VAV2: variants seen among roughly 807,000 people sequenced by gnomAD.
VAV2 encodes vav guanine nucleotide exchange factor 2.
In VAV2, 67 loss-of-function variants were observed where a neutral mutation model predicts 132.5. The observed-to-expected ratio is 0.51, with a 90% CI of 0.42 to 0.62. The LOEUF is 0.62. Ranked by LOEUF, VAV2 falls within the 20% of genes least tolerant of loss-of-function variation. The pLI is 0.00. For missense variants in VAV2, 938 were observed against 1,153.6 expected, an observed-to-expected ratio of 0.81 and a Z score of 2.71; for synonymous variants, 492 against 443.5, an observed-to-expected ratio of 1.11 and a Z score of -1.37.
rs534918342 is a variant in VAV2, at chr9:133,977,233, G to A, written c.204+14842C>T. The stretch of plus-strand genomic sequence containing the variant: ...CTCCGGCATCCAATGGGTGCCTGGT[G>A]TCCATTTGAGGAGCAGCCCAGCAGC... On this transcript the variant is annotated intron_variant, in intron 1 of 29. Coordinates refer to ENST00000371850, the MANE Select transcript of VAV2 (RefSeq NM_001134398.2). Among the ~76,000 whole-genome samples the A allele has an allele frequency of 2.0e-3, 303 of 152,356 alleles. 3 individuals are homozygous for A. The highest frequency in any genetic ancestry group is 0.014 in the Middle Eastern group (4 of 294).
intron 21 of VAV2, among the ~76,000 whole-genome samples, chr9:133,779,546 G>A (rs1017415162): frequency 3.9e-5 from 6 of 152,266 alleles, no homozygotes; most frequent in Admixed American, 2.6e-4. Flanking sequence ...CTAGAAGCAC[G>A]TTTCCATTAA....
intron 1 of VAV2, among the ~76,000 whole-genome samples, chr9:133,942,311 G>A (rs1481219833): frequency 2.6e-5 from 4 of 152,244 alleles, no homozygotes; most frequent in African/African-American, 9.6e-5. Context: ...AAGCGGGAGA[G>A]GGCGTGGGAC....
rs980502724 is a variant in VAV2 at position 133,961,312 on chromosome 9, G to A, written c.205-22093C>T. Among the ~76,000 whole-genome samples the A allele has an allele frequency of 2.0e-5, 3 of 152,354 alleles. No individual in the cohort carries two copies. The highest frequency in any genetic ancestry group is 1.3e-4 in the Admixed American group (2 of 15,314). On this transcript the variant is annotated intron_variant, in intron 1 of 29. Coordinates refer to ENST00000371850, the MANE Select transcript of VAV2 (RefSeq NM_001134398.2). The surrounding 1 kb of genome is among the most constrained non-coding windows in gnomAD (Gnocchi z 4.1). ...CCGGCCAGGACTCAAGCCGGCCAAT[G>A]AGGGCTGAAGCTTCGGCCTGTGGCC... is the stretch of plus-strand genomic sequence containing the variant.
At position 133,794,676 on chromosome 9, in the gene VAV2, G is replaced by A. The variant is rs1834636495; in HGVS notation, c.1101+992C>T. ...GCAGCCCTGAGGGGGGCTGGCAGAG[G>A]TGTCCTGTGCTCCCGACGAGGGAGA... On this transcript the variant is annotated intron_variant, in intron 12 of 29. Coordinates refer to ENST00000371850, the MANE Select transcript of VAV2 (RefSeq NM_001134398.2). This position sits in a 1 kb window ranked among gnomAD's most constrained non-coding sequence, Gnocchi z 4.6. Among the ~76,000 whole-genome samples the A allele has an allele frequency of 6.6e-6, 1 of 152,196 alleles. No individual in the cohort carries two copies. Among genetic ancestry groups the A allele is most frequent in the Admixed American group, 6.5e-5 (1 of 15,290 alleles).
intron 2 of VAV2, among the ~76,000 whole-genome samples, chr9:133,931,296 C>G (rs779166894): frequency 1.8e-4 from 27 of 152,322 alleles, no homozygotes; most frequent in South Asian, 1.2e-3. Flanking sequence ...GAGAGCCCAG[C>G]AGCAGGAGGG....
rs536135396 is a variant in VAV2, at chr9:133,834,786, A to T, written c.381-446T>A. On this transcript the variant is annotated intron_variant, in intron 3 of 29. Transcript: ENST00000371850. The surrounding 1 kb of genome is among the most constrained non-coding windows in gnomAD (Gnocchi z 5.9). Reference sequence around the variant, plus strand: ...CAGTCCACGCAGGAGAGGAAGCAGGAGGGGACTCCGGAAGGGAGGGGTGAC... The same window carrying T: ...CAGTCCACGCAGGAGAGGAAGCAGGTGGGGACTCCGGAAGGGAGGGGTGAC... Among the ~76,000 whole-genome samples, 5 of 152,136 alleles carry T rather than the reference A, an allele frequency of 3.3e-5. No homozygotes were observed. The highest frequency in any genetic ancestry group is 7.4e-5 in the Non-Finnish European group (5 of 68,020).
chr9:133,811,608 C>T (rs943659583), intron 5 of VAV2, among the ~76,000 whole-genome samples: 9 of 152,198 alleles, frequency 5.9e-5, no homozygotes, highest in African/African-American at 2.2e-4. Context: ...AGAGATTATT[C>T]GCCAGTGCCT....
At chr9:133,854,347 G>A (rs554828998) in intron 3 of VAV2, among the ~76,000 whole-genome samples, 1 of 152,232 alleles carries the variant, frequency 6.6e-6, no homozygotes, top group East Asian at 1.9e-4. Flanking sequence ...ACACACACGC[G>A]CACACCCATA....
chr9:133,965,375 T>C (rs1431490510), intron 1 of VAV2, among the ~76,000 whole-genome samples: 1 of 150,936 alleles, frequency 6.6e-6, no homozygotes, highest in Non-Finnish European at 1.5e-5. Context: ...GATGGGAACC[T>C]ATAGTCCCAG....
chr9:133,940,151 T>C (rs763388514), intron 1 of VAV2, among the ~76,000 whole-genome samples: 5 of 152,176 alleles, frequency 3.3e-5, no homozygotes, highest in Non-Finnish European at 7.4e-5. Context: ...TGAGTGGTTA[T>C]GCCAGGCCTG....
intron 4 of VAV2, among the ~76,000 whole-genome samples, chr9:133,815,011 C>A (rs746184895): frequency 6.6e-6 from 1 of 152,164 alleles, no homozygotes; most frequent in African/African-American, 2.4e-5. Context: ...ATACAGGATA[C>A]GATCCACTGA....
At chr9:133,853,305 T>C (rs968200079) in intron 3 of VAV2, among the ~76,000 whole-genome samples, 2 of 152,072 alleles carry the variant, frequency 1.3e-5, no homozygotes, top group East Asian at 1.9e-4. Flanking sequence ...TCAGCAAGCA[T>C]GGGGAGAGGG....
intron 9 of VAV2, among the ~76,000 whole-genome samples, chr9:133,798,462 A>T (rs1308503895): frequency 6.6e-6 from 1 of 151,698 alleles, no homozygotes; most frequent in Non-Finnish European, 1.5e-5. Context: ...TCTCCCGGCC[A>T]CTCTGATTCC....
chr9:133,877,129 G>C (rs1403848328), intron 2 of VAV2, among the ~76,000 whole-genome samples: 1 of 152,090 alleles, frequency 6.6e-6, no homozygotes, highest in Non-Finnish European at 1.5e-5. Context: ...GTTTCCCACA[G>C]AACCCCCGCC....
chr9:133,920,959 C>T (rs754686533), intron 2 of VAV2, among the ~76,000 whole-genome samples: 9 of 152,228 alleles, frequency 5.9e-5, no homozygotes, highest in Non-Finnish European at 1.0e-4. Context: ...GCCCTGCTAT[C>T]GTGCGGGATC....
chr9:133,853,848 C>A (rs951089748), intron 3 of VAV2, among the ~76,000 whole-genome samples: 14 of 152,140 alleles, frequency 9.2e-5, no homozygotes, highest in Admixed American at 2.0e-4. Context: ...TGCAACCAAG[C>A]CCCAGGGAGG....
At chr9:133,971,125 A>G (rs533121107) in intron 1 of VAV2, among the ~76,000 whole-genome samples, 39 of 152,316 alleles carry the variant, frequency 2.6e-4, no homozygotes, top group Non-Finnish European at 2.1e-4. Flanking sequence ...TTCCACTCCC[A>G]CCATCGCTTC....
intron 1 of VAV2, among the ~76,000 whole-genome samples, chr9:133,965,920 G>A (rs1160575954): frequency 1.3e-5 from 2 of 152,094 alleles, no homozygotes; most frequent in Non-Finnish European, 2.9e-5. Flanking sequence ...GCATGATACT[G>A]GCATAAAAAC....
At chr9:133,841,214 C>T (rs1490189709) in intron 3 of VAV2, among the ~76,000 whole-genome samples, 1 of 151,962 alleles carries the variant, frequency 6.6e-6, no homozygotes, top group African/African-American at 2.4e-5. Flanking sequence ...GGAGCACGAC[C>T]GCTTGTTGGT....
Sources: allele counts gnomAD v4.1 joint callset (sites outside exome capture counted in the v4.1 genomes callset), GRCh38; gene constraint gnomAD v4.1.1; non-coding constraint Gnocchi (gnomAD v3.1); transcripts MANE v1.5; gene names NCBI Gene and HGNC (gene_info 2026-07-23, HGNC 2026-07-21).